The following GADL1 variants were observed in gnomAD, a reference collection of about 807,000 sequenced individuals.
GADL1 encodes the protein GAD like acidic amino acid decarboxylase 1, also known as acidic amino acid decarboxylase GADL1.
In GADL1, 71 loss-of-function variants were observed where a neutral mutation model predicts 69.5. The observed-to-expected ratio is 1.02, with a 90% CI of 0.84 to 1.25. The LOEUF is 1.25. Among genes scored for constraint, GADL1 ranks in the 50% most tolerant of loss-of-function variants. The pLI, the probability that GADL1 is intolerant of heterozygous loss-of-function variation, is 0.00. For synonymous variants in GADL1, 254 were observed against 214.4 expected, an observed-to-expected ratio of 1.18 and a Z score of -1.62; for missense variants, 737 against 631.8, an observed-to-expected ratio of 1.17 and a Z score of -1.79.
rs1200274475 is a variant in GADL1 at position 30,822,899 on chromosome 3, G to A, written c.1050+10954C>T. Among the ~76,000 whole-genome samples the A allele has an allele frequency of 4.0e-5, 6 of 151,894 alleles. No individual in the cohort carries two copies. The South Asian group carries it at 6.2e-4, about 16-fold the overall frequency. On this transcript the variant is annotated intron_variant, in intron 11 of 14. Transcript: ENST00000282538. ...GGAGCATGTCTTATTCACTGAATAC[G>A]CAGTAGTCTCTACATATTTTCAGGT...
intron 2 of GADL1, among the ~76,000 whole-genome samples, chr3:30,860,237 G>A (rs1425701572): frequency 6.6e-6 from 1 of 151,668 alleles, no homozygotes; most frequent in Admixed American, 6.6e-5. Context: ...ATCCTTACTG[G>A]GACCCCCCGC....
At chr3:30,810,551 T>C (rs1697330932) in intron 11 of GADL1, among the ~76,000 whole-genome samples, 2 of 152,194 alleles carry the variant, frequency 1.3e-5, no homozygotes, top group African/African-American at 4.8e-5. Flanking sequence ...TTTGACGTTT[T>C]TGTGGTGGTT....
intron 12 of GADL1, among the ~76,000 whole-genome samples, chr3:30,796,890 C>T (rs922919164): frequency 6.6e-6 from 1 of 152,170 alleles, no homozygotes; most frequent in Non-Finnish European, 1.5e-5. Context: ...ACCAGAATTA[C>T]TGACTTCTAA....
rs540708760 is a variant in GADL1 at position 30,843,176 on chromosome 3, C to CT, written c.786+1033_786+1034insA. 4.4e-3 allele frequency among the ~76,000 whole-genome samples: 665 copies of CT among 151,496 alleles called. 10 individuals are homozygous for CT. The highest frequency in any genetic ancestry group is 5.9e-3 in the Non-Finnish European group (398 of 67,920). ...GGTCTGAAGCTCCATCAGCAGGCAGCGGTGGGATGGGAGAGAAGCAGCAAA... is the reference window on the plus strand; with the variant it reads ...GGTCTGAAGCTCCATCAGCAGGCAGCTGGTGGGATGGGAGAGAAGCAGCAAA... On this transcript the variant is annotated intron_variant, in intron 8 of 14. Coordinates refer to ENST00000282538, the MANE Select transcript of GADL1 (RefSeq NM_207359.3).
chr3:30,734,954 GA>G, intron 14 of GADL1, among the ~76,000 whole-genome samples: 1 of 152,274 alleles, frequency 6.6e-6, no homozygotes, highest in Admixed American at 6.5e-5. Flanking sequence ...ACAATGTAAA[GA>G]GGGGAAAATA....
chr3:30,859,157 T>C (rs533940902), intron 2 of GADL1, among the ~76,000 whole-genome samples: 1 of 151,564 alleles, frequency 6.6e-6, no homozygotes, highest in African/African-American at 2.4e-5. Context: ...GGAATATAGA[T>C]AATCTCTAAA....
At chr3:30,876,555 TTCA>T (rs1375352350) in intron 1 of GADL1, among the ~76,000 whole-genome samples, 2 of 151,930 alleles carry the variant, frequency 1.3e-5, no homozygotes, top group Non-Finnish European at 2.9e-5. Context: ...AAAACAAAAG[TTCA>T]TCAATTGAAA....
chr3:30,751,703 C>A (rs530918799), intron 14 of GADL1, among the ~76,000 whole-genome samples: 1 of 152,248 alleles, frequency 6.6e-6, no homozygotes, highest in South Asian at 2.1e-4. Context: ...AATCGTGTCT[C>A]ATAGACACGG....
At chr3:30,848,849 T>C (rs1442950676) in intron 6 of GADL1, among the ~76,000 whole-genome samples, 2 of 152,236 alleles carry the variant, frequency 1.3e-5, no homozygotes, top group African/African-American at 4.8e-5. Flanking sequence ...CAGCAACTAC[T>C]GCGTGGTTGC....
At chr3:30,750,923 T>C (rs57722966) in intron 14 of GADL1, among the ~76,000 whole-genome samples, 21 of 152,248 alleles carry the variant, frequency 1.4e-4, no homozygotes, top group African/African-American at 5.1e-4. Flanking sequence ...ACAGAGGACA[T>C]TATCTGAAAC....
chr3:30,783,544 T>G (rs146755202), intron 13 of GADL1, among the ~76,000 whole-genome samples: 1 of 152,218 alleles, frequency 6.6e-6, no homozygotes, highest in Non-Finnish European at 1.5e-5. Flanking sequence ...CTCAAATACA[T>G]GTACATATAC....
chr3:30,848,173 C>T (rs1559360128), intron 6 of GADL1, among the ~76,000 whole-genome samples: 1 of 152,146 alleles, frequency 6.6e-6, no homozygotes, highest in Non-Finnish European at 1.5e-5. Context: ...CCCAAATAAT[C>T]AAGTACTTTT....
chr3:30,836,647 G>A (rs1157491209), intron 9 of GADL1, among the ~76,000 whole-genome samples: 3 of 152,050 alleles, frequency 2.0e-5, no homozygotes, highest in Non-Finnish European at 4.4e-5. Flanking sequence ...GGGAAGTGAA[G>A]GTAAGAATGG....
At chr3:30,752,737 G>A (rs903184225) in intron 14 of GADL1, among the ~76,000 whole-genome samples, 2 of 152,218 alleles carry the variant, frequency 1.3e-5, no homozygotes, top group Admixed American at 6.5e-5. Flanking sequence ...GTTCCTTTGA[G>A]TATTTAGAAA....
chr3:30,771,061 A>T (rs1030632248), intron 14 of GADL1, among the ~76,000 whole-genome samples: 2 of 152,228 alleles, frequency 1.3e-5, no homozygotes, highest in African/African-American at 4.8e-5. Context: ...TGCGCATACA[A>T]CAAGAATTTT....
intron 4 of GADL1, among the ~76,000 whole-genome samples, chr3:30,851,987 CT>C (rs1222220494): frequency 6.6e-6 from 1 of 152,128 alleles, no homozygotes; most frequent in East Asian, 1.9e-4. Flanking sequence ...TATCTATGAT[CT>C]CCTTTTCAAT....
intron 14 of GADL1, among the ~76,000 whole-genome samples, chr3:30,743,596 T>C (rs1695656993): frequency 6.6e-6 from 1 of 152,164 alleles, no homozygotes; most frequent in East Asian, 1.9e-4. Flanking sequence ...AGGAGTGGGC[T>C]GGTGAGGTAC....
intron 13 of GADL1, among the ~76,000 whole-genome samples, chr3:30,780,159 C>T (rs1467370210): frequency 1.3e-5 from 2 of 152,210 alleles, no homozygotes; most frequent in African/African-American, 2.4e-5. Flanking sequence ...GCCAGCTAGG[C>T]ACCTTGCCTT....
chr3:30,852,021 T>C (rs1698154809), intron 4 of GADL1, among the ~76,000 whole-genome samples: 1 of 152,184 alleles, frequency 6.6e-6, no homozygotes, highest in Non-Finnish European at 1.5e-5. Flanking sequence ...TTAAATTGTA[T>C]CTGAATAAAT....
Sources: allele counts gnomAD v4.1 joint callset (sites outside exome capture counted in the v4.1 genomes callset), GRCh38; gene constraint gnomAD v4.1.1; transcripts MANE v1.5; gene names NCBI Gene and HGNC (gene_info 2026-07-23, HGNC 2026-07-21).